The following MCF2L variants were observed in gnomAD, a reference collection of about 807,000 sequenced individuals.
MCF2L encodes MCF.2 cell line derived transforming sequence like.
MCF2L carries 97 observed loss-of-function variants against 153.4 expected under a neutral mutation model. The observed-to-expected ratio is 0.63, with a 90% CI of 0.54 to 0.75. The LOEUF (loss-of-function observed/expected upper bound fraction) is 0.75. Ranked by LOEUF, MCF2L falls within the 30% of genes least tolerant of loss-of-function variation. The pLI, the probability that MCF2L is intolerant of heterozygous loss-of-function variation, is 0.00. For synonymous variants in MCF2L, 659 were observed against 632.2 expected, an observed-to-expected ratio of 1.04 and a Z score of -0.64; for missense variants, 1,347 against 1,495.2, an observed-to-expected ratio of 0.90 and a Z score of 1.64.
At position 113,064,116 on chromosome 13, in the gene MCF2L, G is replaced by A. The variant is rs1219670306; in HGVS notation, c.490-188G>A. ...CGCCACCACGAGAGGAGGTGTCGGC[G>A]GGGCGCTGAGCTGCATCCCATCCGC... On this transcript the variant is annotated intron_variant, in intron 5 of 29. Coordinates refer to ENST00000535094, the MANE Select transcript of MCF2L (RefSeq NM_001112732.3). This position sits in a 1 kb window ranked among gnomAD's most constrained non-coding sequence, Gnocchi z 6.0. Among the ~76,000 whole-genome samples the A allele has an allele frequency of 6.6e-5, 10 of 152,190 alleles. 1 individual carries two copies. In the South Asian group the frequency reaches 1.5e-3, roughly 22 times the overall value.
chr13:113,077,003 G>T (rs745458632), intron 12 of MCF2L, 49 bp from the exon 13 acceptor site: 5 of 1,566,412 alleles, frequency 3.2e-6, no homozygotes, highest in Non-Finnish European at 3.5e-6. Flanking sequence ...TGTATTTTTA[G>T]TGATGACACC....
rs550496955 is a variant in MCF2L, at chr13:113,012,054, G to A, written c.80-2709G>A. Among the ~76,000 whole-genome samples the A allele has an allele frequency of 1.0e-3, 121 of 118,802 alleles. 10 individuals are homozygous for A. The highest frequency in any genetic ancestry group is 3.4e-3 in the African/African-American group (116 of 33,928). The allele number at this position is 118,802 out of a possible 152,430, so 77.9% of individuals were successfully genotyped here. On this transcript the variant is annotated intron_variant, in intron 1 of 29. Transcript: ENST00000535094. ...ACAGGTGGTGTGGACGGTGGACACT[G>A]CAGTGTGAATGGTGGACAGGTGGTG...
chr13:113,075,721 T>TA (rs1243058164), intron 11 of MCF2L, among the ~76,000 whole-genome samples: 2 of 152,142 alleles, frequency 1.3e-5, no homozygotes, highest in African/African-American at 4.8e-5. Context: ...CCGCCCTGGG[T>TA]AATTCACTGG....
At chr13:113,026,522 C>A (rs1194245036) in intron 3 of MCF2L, among the ~76,000 whole-genome samples, 2 of 152,228 alleles carry the variant, frequency 1.3e-5, no homozygotes, top group Non-Finnish European at 2.9e-5. Flanking sequence ...TCTGACTTAG[C>A]CTGAGCGCTG....
At chr13:112,982,548 G>A (rs932066920) in intron 1 of MCF2L, among the ~76,000 whole-genome samples, 6 of 152,172 alleles carry the variant, frequency 3.9e-5, no homozygotes, top group African/African-American at 7.2e-5. Context: ...GGCCTCCTGC[G>A]GAGGAGGGTG....
Position 113,060,788 on chromosome 13 carries a change from A to C in MCF2L, c.489+76A>C, listed in dbSNP as rs2031267615. The stretch of plus-strand genomic sequence containing the variant: ...GTCCTGGCCCATCTGTGATCATCGA[A>C]ATCCTCGAGGAGCTGACTTCAGGGC... On this transcript the variant is annotated intron_variant, in intron 5 of 29. Coordinates refer to ENST00000535094, the MANE Select transcript of MCF2L (RefSeq NM_001112732.3). 3 of 1,574,168 alleles carry C rather than the reference A, an allele frequency of 1.9e-6. No individual in the cohort carries two copies. In the African/African-American group the frequency reaches 4.0e-5, roughly 21 times the overall value.
At chr13:112,970,308 G>A (rs1257321490) in intron 1 of MCF2L, among the ~76,000 whole-genome samples, 2 of 152,134 alleles carry the variant, frequency 1.3e-5, no homozygotes, top group Admixed American at 6.5e-5. Flanking sequence ...CAGTTGCTTG[G>A]TTTGGGTGTG....
chr13:113,014,828 C>T lies in MCF2L; in HGVS notation c.145C>T (p.Arg49Cys), dbSNP rs144497036. The change falls in exon 2 of 30, where the codon CGC (arginine) becomes TGC (cysteine). Residue 49 changes from arginine (R) to cysteine (C), a missense_variant. Arg to Cys is a radical substitution (Grantham distance 180). Transcript: ENST00000535094. ...CGACATCCAGGACCAGCTAAAGAAG[C>T]GCTTTGCTTACCTGTCCGGTGAGTT... Reference protein sequence around the residue: ...AADIQDQLKKRFAYLSGGRGQ... With the variant: ...AADIQDQLKKCFAYLSGGRGQ... The T allele has an allele frequency of 3.8e-5, 61 of 1,613,994 alleles. No individual in the cohort carries two copies. The African/African-American group carries it at 4.5e-4, about 12-fold the overall frequency.
chr13:113,063,460 C>T (rs2141815381), intron 5 of MCF2L, among the ~76,000 whole-genome samples: 1 of 151,540 alleles, frequency 6.6e-6, no homozygotes. Context: ...CCTGTCCACA[C>T]AGCCGCCCAC....
intron 2 of MCF2L, among the ~76,000 whole-genome samples, chr13:112,939,061 T>C (rs2087259997): frequency 6.6e-6 from 1 of 152,176 alleles, no homozygotes; most frequent in Non-Finnish European, 1.5e-5. Flanking sequence ...ATAAGCAGTG[T>C]AGCTTTTTAA....
intron 7 of MCF2L, 128 bp from the exon 8 acceptor site, chr13:113,065,918 C>T (rs749755417): frequency 5.3e-5 from 52 of 979,260 alleles, no homozygotes; most frequent in African/African-American, 4.6e-4. Context: ...TGGGAAGACT[C>T]GGGGGTCGGG....
chr13:112,899,644 G>A (rs1383166341), intron 1 of MCF2L, among the ~76,000 whole-genome samples: 2 of 152,036 alleles, frequency 1.3e-5, no homozygotes, highest in Non-Finnish European at 2.9e-5. Context: ...TTTAAGCAGG[G>A]GCCACACCTG....
chr13:112,898,303 G>A (rs1042974459), intron 1 of MCF2L, among the ~76,000 whole-genome samples: 4 of 152,210 alleles, frequency 2.6e-5, no homozygotes, highest in African/African-American at 7.2e-5. Context: ...GGTGCTCCAC[G>A]GCCTCTGGGC....
intron 3 of MCF2L, among the ~76,000 whole-genome samples, chr13:113,038,649 C>T (rs745686790): frequency 5.3e-5 from 8 of 152,090 alleles, no homozygotes; most frequent in Middle Eastern, 3.2e-3. Context: ...TGAACATTGG[C>T]AGGCTGCCTT....
intron 11 of MCF2L, 22 bp from the exon 12 acceptor site, chr13:113,075,944 C>A: frequency 6.3e-7 from 1 of 1,580,552 alleles, no homozygotes; most frequent in South Asian, 1.1e-5. Flanking sequence ...GTCCTGCCCT[C>A]GGCAATGCTC....
chr13:113,009,131 G>C (rs2083913461), intron 1 of MCF2L: 1 of 152,294 alleles, frequency 6.6e-6, no homozygotes, highest in Non-Finnish European at 1.5e-5. Context: ...GGGCGGCTGT[G>C]CACTGACACC....
chr13:113,050,703 G>T (rs1225308927), intron 4 of MCF2L, among the ~76,000 whole-genome samples: 1 of 71,334 alleles, frequency 1.4e-5, no homozygotes, highest in South Asian at 7.1e-4. Flanking sequence ...GCGGGGAGGC[G>T]GGAGGAGCAG....
At chr13:112,978,673 G>A (rs2082295786) in intron 1 of MCF2L, among the ~76,000 whole-genome samples, 1 of 152,192 alleles carries the variant, frequency 6.6e-6, no homozygotes, top group African/African-American at 2.4e-5. Flanking sequence ...TTGAATAAAT[G>A]CCTTCTTTTG....
intron 1 of MCF2L, among the ~76,000 whole-genome samples, chr13:112,901,239 C>T (rs1305511438): frequency 2.0e-5 from 3 of 152,130 alleles, no homozygotes; most frequent in African/African-American, 4.8e-5. Context: ...CTGCAACCTC[C>T]GCCTCCTGGG....
Sources: allele counts gnomAD v4.1 joint callset (sites outside exome capture counted in the v4.1 genomes callset), GRCh38; gene constraint gnomAD v4.1.1; non-coding constraint Gnocchi (gnomAD v3.1); transcripts MANE v1.5; gene names NCBI Gene and HGNC (gene_info 2026-07-23, HGNC 2026-07-21).